Variants in TENT2 observed in about 807,000 individuals in gnomAD.
TENT2 encodes poly(A) RNA polymerase GLD2.
A neutral mutation model predicts 72.2 loss-of-function variants in TENT2; 44 were observed. The ratio of observed to expected loss-of-function variants is 0.61; its 90% confidence interval spans 0.48 to 0.78. TENT2 has a LOEUF of 0.78. TENT2 is among the 30% of genes least tolerant of loss of function. The pLI is 0.00. For missense variants in TENT2, 541 were observed against 569.6 expected, an observed-to-expected ratio of 0.95 and a Z score of 0.51; for synonymous variants, 212 against 192.5, an observed-to-expected ratio of 1.10 and a Z score of -0.84.
chr5:79,676,603 A>T (rs2150845335), intron 12 of TENT2, among the ~76,000 whole-genome samples: 1 of 152,260 alleles, frequency 6.6e-6, no homozygotes, highest in Middle Eastern at 3.4e-3. Context: ...AAATAAAAAG[A>T]ATGGCTAAAG....
intron 12 of TENT2, among the ~76,000 whole-genome samples, chr5:79,669,640 G>T (rs76405179): frequency 0.011 from 1,698 of 152,134 alleles, 18 homozygotes; most frequent in Non-Finnish European, 0.017. Flanking sequence ...AAAAGCTTGA[G>T]GGGGGAAGAG....
intron 6 of TENT2, among the ~76,000 whole-genome samples, chr5:79,641,578 A>G (rs1342423925): frequency 6.6e-6 from 1 of 151,768 alleles, no homozygotes; most frequent in Non-Finnish European, 1.5e-5. Flanking sequence ...CACTGATTCT[A>G]TTTTTAATCT....
At chr5:79,679,554 A>C in intron 12 of TENT2, 25 bp from the exon 13 acceptor site, 9 of 1,499,028 alleles carry the variant, frequency 6.0e-6, no homozygotes, top group Non-Finnish European at 8.2e-6. Flanking sequence ...AATAGTTAAC[A>C]TGGTTACTGT....
chr5:79,669,476 CT>C (rs1811177435), intron 12 of TENT2, among the ~76,000 whole-genome samples: 1 of 152,140 alleles, frequency 6.6e-6, no homozygotes, highest in African/African-American at 2.4e-5. Context: ...AGGAATGTGT[CT>C]TTTCCTTTTT....
At chr5:79,637,348 C>T (rs935368655) in intron 4 of TENT2, among the ~76,000 whole-genome samples, 2 of 152,142 alleles carry the variant, frequency 1.3e-5, no homozygotes, top group African/African-American at 4.8e-5. Flanking sequence ...CTTTCCCATG[C>T]TTACCTCTTT....
chr5:79,629,931 C>G (rs1386554608), intron 4 of TENT2, among the ~76,000 whole-genome samples: 1 of 150,806 alleles, frequency 6.6e-6, no homozygotes, highest in African/African-American at 2.5e-5. Flanking sequence ...GTCAGGAGTT[C>G]GAGACCAGCC....
Position 79,619,530 on chromosome 5 carries a change from T to G in TENT2, c.-37-82T>G, listed in dbSNP as rs536222708. The G allele has an allele frequency of 4.3e-5, 44 of 1,019,282 alleles. No homozygotes were observed. In the South Asian group the frequency reaches 1.2e-3, roughly 29 times the overall value. 63.1% of individuals were successfully genotyped at this position (1,019,282 alleles called of 1,614,324 possible). A position where few individuals can be genotyped will look rare whatever the true frequency, so the allele number is the denominator to read the frequency against. ...TTTGTAACTTGATAACTAATTGTTT[T>G]AAGTTAGTGGATAATAGTTATCAAA... On this transcript the variant is annotated intron_variant, in intron 1 of 14. Transcript: ENST00000453514.
intron 11 of TENT2, among the ~76,000 whole-genome samples, chr5:79,666,398 T>C (rs1328632561): frequency 6.7e-6 from 1 of 149,488 alleles, no homozygotes; most frequent in East Asian, 2.0e-4. Context: ...TGCGATAAGG[T>C]CTTGCTCAAG....
chr5:79,663,252 T>G (rs760114282), intron 11 of TENT2, among the ~76,000 whole-genome samples: 2 of 152,212 alleles, frequency 1.3e-5, no homozygotes, highest in Admixed American at 6.5e-5. Context: ...ATATCAGCAA[T>G]AAGGCTGTTT....
intron 10 of TENT2, 32 bp downstream of exon 10, chr5:79,649,222 A>G (rs1472504052): frequency 1.3e-6 from 2 of 1,591,374 alleles, no homozygotes; most frequent in African/African-American, 2.7e-5. Context: ...CCAATTTTTA[A>G]AAGTAAAAGA....
intron 10 of TENT2, among the ~76,000 whole-genome samples, chr5:79,653,827 C>G (rs1266312270): frequency 6.6e-6 from 1 of 152,162 alleles, no homozygotes; most frequent in African/African-American, 2.4e-5. Context: ...AGTTACAGCT[C>G]TGCCACAAAA....
chr5:79,659,378 C>T (rs1205539252), intron 11 of TENT2, among the ~76,000 whole-genome samples: 3 of 150,392 alleles, frequency 2.0e-5, no homozygotes, highest in Admixed American at 6.6e-5. Context: ...ACTAAAAATA[C>T]AAAAATTAGC....
At chr5:79,636,156 C>A (rs1401332649) in intron 4 of TENT2, among the ~76,000 whole-genome samples, 1 of 152,122 alleles carries the variant, frequency 6.6e-6, no homozygotes, top group Non-Finnish European at 1.5e-5. Flanking sequence ...TTATGTTAGC[C>A]ACTTTTACTG....
At chr5:79,651,324 T>C (rs2150181657) in intron 10 of TENT2, among the ~76,000 whole-genome samples, 1 of 152,120 alleles carries the variant, frequency 6.6e-6, no homozygotes, top group East Asian at 1.9e-4. Context: ...TCTTAAATAA[T>C]GTTCTTACAT....
rs1359172826 is a variant in TENT2 at position 79,642,907 on chromosome 5, CTT to C, written c.750_751del (p.Ser251GlyfsTer4). 1 of 1,609,840 alleles carries C rather than the reference CTT, an allele frequency of 6.2e-7. No individual in the cohort carries two copies. On this transcript the variant is annotated frameshift_variant and splice_region_variant, in exon 7 of 15. Transcript: ENST00000453514. LOFTEE classifies it high-confidence loss of function. ...TLVHKHFCTRLSGYIERPQLI... is the reference protein window; with the variant it reads ...TLVHKHFCTRXSGYIERPQLI... ...AGTCCATAAACACTTCTGTACTAGA[CTT>C]TGTAAGTCTGACATGCCTCAAGTTT...
rs1826270839 is a variant in TENT2, at chr5:79,687,076, G to A, written c.*1803G>A. ...ATAAAACCCCAGAATTTACCATGGT[G>A]TGGGTTCCTTCACTGTCACTGTTTT... On this transcript the variant is annotated 3_prime_UTR_variant, in exon 15 of 15. Coordinates refer to ENST00000453514, the MANE Select transcript of TENT2 (RefSeq NM_001114394.3). Among the ~76,000 whole-genome samples, 1 of 152,124 alleles carries A rather than the reference G, an allele frequency of 6.6e-6. No homozygotes were observed.
At chr5:79,639,279 G>A (rs772312130) in intron 4 of TENT2, among the ~76,000 whole-genome samples, 3 of 151,980 alleles carry the variant, frequency 2.0e-5, no homozygotes, top group Non-Finnish European at 2.9e-5. Context: ...TAAGTTTAGA[G>A]GGCTTGAAAA....
At chr5:79,678,669 A>G (rs1819251717) in intron 12 of TENT2, among the ~76,000 whole-genome samples, 2 of 152,228 alleles carry the variant, frequency 1.3e-5, no homozygotes, top group Non-Finnish European at 1.5e-5. Context: ...GCCATTAAGT[A>G]TATTTTCATA....
rs530264369 is a variant in TENT2, at chr5:79,665,050, A to G, written c.1072-3842A>G. Among the ~76,000 whole-genome samples, 4 of 152,330 alleles carry G rather than the reference A, an allele frequency of 2.6e-5. No individual in the cohort carries two copies. The East Asian group carries it at 7.7e-4, about 29-fold the overall frequency. On this transcript the variant is annotated intron_variant, in intron 11 of 14. Coordinates refer to ENST00000453514, the MANE Select transcript of TENT2 (RefSeq NM_001114394.3). ...GTCAGATATAATTAAAGGAAATTTT[A>G]TGGTGAATCTTTAACATACATCACC... is the stretch of plus-strand genomic sequence containing the variant.
Sources: allele counts gnomAD v4.1 joint callset (sites outside exome capture counted in the v4.1 genomes callset), GRCh38; gene constraint gnomAD v4.1.1; transcripts MANE v1.5; gene names NCBI Gene and HGNC (gene_info 2026-07-23, HGNC 2026-07-21).